The following DPP10 variants were observed in gnomAD, a reference collection of about 807,000 sequenced individuals.
The protein encoded by DPP10 is dipeptidyl peptidase like 10, also known as inactive dipeptidyl peptidase 10.
DPP10 carries 33 observed loss-of-function variants against 120.9 expected under a neutral mutation model. That is an observed-to-expected ratio of 0.27 (90% CI 0.21 to 0.37). The LOEUF is 0.37. Among genes scored for constraint, DPP10 ranks in the 10% least tolerant of loss-of-function variants. The probability of loss-of-function intolerance (pLI) is 1.00; values close to 1 mark genes in which losing one functional copy is unlikely to be tolerated. For missense variants in DPP10, 816 were observed against 942.8 expected (o/e 0.87, Z 1.76); for synonymous variants, 337 against 326.1 (o/e 1.03, Z -0.36).
chr2:114,985,342 G>A (rs1212961026), intron 1 of DPP10, among the ~76,000 whole-genome samples: 1 of 152,072 alleles, frequency 6.6e-6, no homozygotes, highest in African/African-American at 2.4e-5. Flanking sequence ...ATTTAAAACA[G>A]GGCTCCTTAT....
chr2:114,945,835 C>A (rs1250745683), intron 1 of DPP10, among the ~76,000 whole-genome samples: 3 of 151,964 alleles, frequency 2.0e-5, no homozygotes, highest in South Asian at 4.1e-4. Context: ...AAAACAAAAA[C>A]AAACACCATT....
At position 115,533,401 on chromosome 2, in the gene DPP10, A is replaced by G. The variant is rs559780827; in HGVS notation, c.441+7429A>G. 1.8e-4 allele frequency among the ~76,000 whole-genome samples: 28 copies of G among 152,192 alleles called. No individual in the cohort carries two copies. The South Asian group carries it at 1.9e-3, about 10-fold the overall frequency. Reference sequence around the variant, plus strand: ...CAAAAGATCAGCATTGTTATTTTCTACAGTTAGATGCATTCATTTCAGTTT... The same window carrying G: ...CAAAAGATCAGCATTGTTATTTTCTGCAGTTAGATGCATTCATTTCAGTTT... On this transcript the variant is annotated intron_variant, in intron 5 of 25. Transcript: ENST00000410059.
chr2:114,731,112 G>C (rs139920879), intron 1 of DPP10, among the ~76,000 whole-genome samples: 190 of 151,850 alleles, frequency 1.3e-3, no homozygotes, highest in African/African-American at 4.1e-3. Context: ...ATAGAGACCT[G>C]TCTCTCTATT....
intron 1 of DPP10, among the ~76,000 whole-genome samples, chr2:115,105,476 T>G (rs2048905020): frequency 6.6e-6 from 1 of 151,706 alleles, no homozygotes; most frequent in Admixed American, 6.6e-5. Context: ...GGACTGACTT[T>G]TTTGAGCAAT....
chr2:114,473,400 G>A (rs904569736), intron 1 of DPP10, among the ~76,000 whole-genome samples: 7 of 152,152 alleles, frequency 4.6e-5, no homozygotes, highest in African/African-American at 1.7e-4. Flanking sequence ...CTAATATTAT[G>A]CTTCAAGACA....
At chr2:115,017,554 A>G (rs1426506296) in intron 1 of DPP10, among the ~76,000 whole-genome samples, 1 of 152,152 alleles carries the variant, frequency 6.6e-6, no homozygotes, top group African/African-American at 2.4e-5. Context: ...ACATGCATGC[A>G]TATGTTTATT....
chr2:114,774,396 CA>C (rs1041208165), intron 1 of DPP10, among the ~76,000 whole-genome samples: 307 of 136,986 alleles, frequency 2.2e-3, no homozygotes, highest in East Asian at 3.9e-3. Context: ...GGACCTATGA[CA>C]AAAAAAAAAG....
At chr2:114,896,437 A>G (rs1693006144) in intron 1 of DPP10, among the ~76,000 whole-genome samples, 1 of 152,028 alleles carries the variant, frequency 6.6e-6, no homozygotes, top group African/African-American at 2.4e-5. Context: ...GTTCTCCTTG[A>G]AGAGGTCCTT....
chr2:114,551,745 A>AG (rs1687903975), intron 1 of DPP10, among the ~76,000 whole-genome samples: 1 of 152,152 alleles, frequency 6.6e-6, no homozygotes, highest in South Asian at 2.1e-4. Flanking sequence ...GCATCTGTGC[A>AG]GGGCTTTTAA....
chr2:115,029,553 T>G (rs1272683551), intron 1 of DPP10, among the ~76,000 whole-genome samples: 2 of 152,056 alleles, frequency 1.3e-5, no homozygotes, highest in African/African-American at 4.8e-5. Context: ...AGGAAAAACT[T>G]TATTTCTCAC....
intron 5 of DPP10, among the ~76,000 whole-genome samples, chr2:115,634,099 A>C (rs1421233224): frequency 1.3e-5 from 2 of 151,618 alleles, no homozygotes; most frequent in African/African-American, 4.8e-5. Flanking sequence ...TTGTATTTGC[A>C]TTGTGAAGTT....
chr2:115,446,421 T>C (rs1437182151), intron 3 of DPP10, among the ~76,000 whole-genome samples: 2 of 151,978 alleles, frequency 1.3e-5, no homozygotes, highest in Non-Finnish European at 2.9e-5. Context: ...GGCAGATCCA[T>C]GTGTAAGAAT....
intron 1 of DPP10, among the ~76,000 whole-genome samples, chr2:115,223,951 C>T (rs2057307826): frequency 6.6e-6 from 1 of 152,066 alleles, no homozygotes; most frequent in African/African-American, 2.4e-5. Context: ...TCAATTATAT[C>T]TATTCATATC....
intron 1 of DPP10, among the ~76,000 whole-genome samples, chr2:115,146,443 A>G (rs2051229112): frequency 6.6e-6 from 1 of 152,066 alleles, no homozygotes. Context: ...AATCCCTGTT[A>G]TTTATATAAA....
intron 2 of DPP10, among the ~76,000 whole-genome samples, chr2:115,319,334 A>T (rs931177420): frequency 1.2e-4 from 18 of 152,096 alleles, no homozygotes; most frequent in African/African-American, 4.3e-4. Context: ...TATTTATAAG[A>T]GATATTGATC....
chr2:114,764,282 G>A (rs936606554), intron 1 of DPP10, among the ~76,000 whole-genome samples: 6 of 109,660 alleles, frequency 5.5e-5, no homozygotes, highest in African/African-American at 1.8e-4. Context: ...CTCTTAAATT[G>A]CCTTTTTTTT....
chr2:115,748,506 AAT>A (rs1678300049), intron 10 of DPP10, among the ~76,000 whole-genome samples: 1 of 152,120 alleles, frequency 6.6e-6, no homozygotes, highest in Non-Finnish European at 1.5e-5. Flanking sequence ...TAGTAAGATA[AAT>A]ATAGAAAGAT....
intron 17 of DPP10, among the ~76,000 whole-genome samples, chr2:115,784,123 C>A (rs763768422): frequency 5.9e-5 from 9 of 152,028 alleles, no homozygotes; most frequent in Non-Finnish European, 1.2e-4. Flanking sequence ...GTTCAAAAGC[C>A]AATCATGTTT....
intron 1 of DPP10, among the ~76,000 whole-genome samples, chr2:114,654,777 C>A (rs1463645719): frequency 1.3e-5 from 2 of 152,024 alleles, no homozygotes; most frequent in Non-Finnish European, 2.9e-5. Context: ...ATCTACCTGG[C>A]CAGTCCCAGC....
Sources: gnomAD v4.1 joint callset for allele counts (sites outside exome capture counted in the v4.1 genomes callset) on GRCh38, gnomAD v4.1.1 for gene constraint, MANE v1.5 for transcripts, NCBI Gene and HGNC (gene_info 2026-07-23, HGNC 2026-07-21) for gene names.